The following DPP6 variants were observed in gnomAD, a reference collection of about 807,000 sequenced individuals.
DPP6 encodes the protein dipeptidyl peptidase like 6.
DPP6 carries 69 observed loss-of-function variants against 122.6 expected under a neutral mutation model. The observed-to-expected ratio is 0.56, with a 90% CI of 0.46 to 0.69. The LOEUF is 0.69. Ranked by LOEUF, DPP6 falls within the 30% of genes least tolerant of loss-of-function variation. DPP6 has a pLI of 0.00. For missense variants in DPP6, 928 were observed against 1,116.9 expected, an observed-to-expected ratio of 0.83 and a Z score of 2.41; for synonymous variants, 418 against 433.1, an observed-to-expected ratio of 0.97 and a Z score of 0.43.
At position 153,940,651 on chromosome 7, in the gene DPP6, G is replaced by C. The variant is rs529499004; in HGVS notation, c.51+52917G>C. 9.2e-5 allele frequency among the ~76,000 whole-genome samples: 14 copies of C among 152,206 alleles called. No homozygotes were observed. The South Asian group carries it at 2.9e-3, about 32-fold the overall frequency. On this transcript the variant is annotated intron_variant, in intron 1 of 25. Coordinates refer to the DPP6 transcript ENST00000404039. ...CTATTTCCCCTTGCATCTCCCTGTAGGACTCTGATGATTCATGTTGACATG... is the reference window on the plus strand; with the variant it reads ...CTATTTCCCCTTGCATCTCCCTGTACGACTCTGATGATTCATGTTGACATG...
intron 1 of DPP6, among the ~76,000 whole-genome samples, chr7:153,951,966 C>T (rs544860529): frequency 1.1e-4 from 17 of 152,254 alleles, no homozygotes; most frequent in African/African-American, 3.6e-4. Flanking sequence ...TCACATGAAC[C>T]CGGGAAGCGG....
chr7:153,927,940 A>G (rs1800978366), intron 1 of DPP6, among the ~76,000 whole-genome samples: 1 of 152,206 alleles, frequency 6.6e-6, no homozygotes, highest in African/African-American at 2.4e-5. Flanking sequence ...TGCCAAAAGA[A>G]TAGCTTCTGA....
intron 1 of DPP6, among the ~76,000 whole-genome samples, chr7:154,429,620 T>C (rs1206401877): frequency 6.6e-6 from 1 of 152,072 alleles, no homozygotes. Flanking sequence ...ACAAACGCTG[T>C]TTATTTGAGT....
chr7:154,875,451 C>T lies in DPP6; in HGVS notation c.1884-455C>T, dbSNP rs1029945793. 4.6e-5 allele frequency among the ~76,000 whole-genome samples: 7 copies of T among 152,310 alleles called. No individual in the cohort carries two copies. In the South Asian group the frequency reaches 1.4e-3, roughly 32 times the overall value. ...TACTTCCGACTTAACAAGAGACAGA[C>T]CACGTCTTCAAGCCAGGGATGTGGC... On this transcript the variant is annotated intron_variant, in intron 19 of 25. Coordinates refer to ENST00000377770, the MANE Select transcript of DPP6 (RefSeq NM_130797.4). This position sits in a 1 kb window ranked among gnomAD's most constrained non-coding sequence, Gnocchi z 4.5.
intron 1 of DPP6, among the ~76,000 whole-genome samples, chr7:154,291,915 G>A (rs371397177): frequency 9.2e-5 from 14 of 152,260 alleles, no homozygotes; most frequent in South Asian, 8.3e-4. Flanking sequence ...ATAAAGGAGC[G>A]TATCAGCTTC....
intron 4 of DPP6, among the ~76,000 whole-genome samples, chr7:154,563,381 T>C (rs888319439): frequency 1.3e-5 from 2 of 152,126 alleles, no homozygotes; most frequent in Admixed American, 6.5e-5. Flanking sequence ...GACTTTGGCT[T>C]TTCCCACAGG....
chr7:154,576,879 C>T (rs1486126907), intron 5 of DPP6, among the ~76,000 whole-genome samples: 2 of 152,052 alleles, frequency 1.3e-5, no homozygotes, highest in African/African-American at 2.4e-5. Context: ...TCAGAAACAC[C>T]GGGTCTGGGA....
chr7:154,302,328 G>C (rs1282649506), intron 1 of DPP6, among the ~76,000 whole-genome samples: 1 of 152,124 alleles, frequency 6.6e-6, no homozygotes, highest in Non-Finnish European at 1.5e-5. Flanking sequence ...TTTCCTCCAG[G>C]TTCATTCATG....
At chr7:154,343,030 C>A (rs146924611) in intron 1 of DPP6, among the ~76,000 whole-genome samples, 1 of 152,220 alleles carries the variant, frequency 6.6e-6, no homozygotes, top group East Asian at 1.9e-4. Flanking sequence ...AACCAAGGTA[C>A]AGCAAGATTG....
intron 1 of DPP6, among the ~76,000 whole-genome samples, chr7:153,935,116 C>T (rs967927755): frequency 3.9e-5 from 6 of 152,138 alleles, no homozygotes; most frequent in South Asian, 2.1e-4. Context: ...GGAAGCTGAA[C>T]GGCAGTGCTG....
the DPP6 span, among the ~76,000 whole-genome samples, chr7:153,859,484 A>G: frequency 6.6e-6 from 1 of 152,156 alleles, no homozygotes; most frequent in Non-Finnish European, 1.5e-5. Context: ...TGAGTGAGAC[A>G]TGGGAGCTGA....
chr7:153,817,240 A>C, the DPP6 span, among the ~76,000 whole-genome samples: 3 of 148,664 alleles, frequency 2.0e-5, no homozygotes, highest in East Asian at 6.0e-4. Flanking sequence ...GCAAGAAAGA[A>C]GAGTTGGTCA....
chr7:154,336,926 G>C (rs1196116616), intron 1 of DPP6, among the ~76,000 whole-genome samples: 1 of 152,156 alleles, frequency 6.6e-6, no homozygotes, highest in African/African-American at 2.4e-5. Flanking sequence ...CCTTGGTTAG[G>C]CAAGTCACCA....
intron 1 of DPP6, among the ~76,000 whole-genome samples, chr7:154,271,013 T>C (rs1803752117): frequency 6.6e-6 from 1 of 152,180 alleles, no homozygotes; most frequent in African/African-American, 2.4e-5. Context: ...GCAACAATAA[T>C]AAGCTGTGAT....
At chr7:154,879,588 C>CAAAAAAA (rs778157355) in intron 20 of DPP6, among the ~76,000 whole-genome samples, 10 of 41,608 alleles carry the variant, frequency 2.4e-4, no homozygotes, top group Non-Finnish European at 3.0e-4. Context: ...GACTCCGTCT[C>CAAAAAAA]AAAAAAAAAA....
intron 14 of DPP6, 56 bp downstream of exon 14, chr7:154,804,011 A>AT (rs1798541545): frequency 3.2e-6 from 5 of 1,580,928 alleles, no homozygotes; most frequent in Non-Finnish European, 4.3e-6. Flanking sequence ...CACATTTGTT[A>AT]TTTTTTGTCA....
chr7:153,886,534 G>A (rs1798923060), upstream of DPP6, among the ~76,000 whole-genome samples: 1 of 152,172 alleles, frequency 6.6e-6, no homozygotes, highest in Non-Finnish European at 1.5e-5. Context: ...GCCGCCGAGG[G>A]ACGCGGCTGG....
the DPP6 span, among the ~76,000 whole-genome samples, chr7:153,771,409 G>A: frequency 1.3e-5 from 2 of 152,268 alleles, no homozygotes; most frequent in Admixed American, 6.5e-5. Context: ...GCACGATCTG[G>A]CCTCACTGTA....
chr7:154,385,595 G>A (rs931533167), intron 1 of DPP6, among the ~76,000 whole-genome samples: 6 of 152,018 alleles, frequency 3.9e-5, no homozygotes, highest in African/African-American at 9.7e-5. Context: ...ATATTCCCTC[G>A]TGGGTTGTCA....
Sources: gnomAD v4.1 joint callset for allele counts (sites outside exome capture counted in the v4.1 genomes callset) on GRCh38, gnomAD v4.1.1 for gene constraint, Gnocchi (gnomAD v3.1) non-coding constraint, MANE v1.5 for transcripts, NCBI Gene and HGNC (gene_info 2026-07-23, HGNC 2026-07-21) for gene names.